LCLAT1: variants seen among roughly 807,000 people sequenced by gnomAD.
The protein encoded by LCLAT1 is lysocardiolipin acyltransferase 1.
In LCLAT1, 11 loss-of-function variants were observed where a neutral mutation model predicts 30.7. The observed-to-expected ratio is 0.36, with a 90% CI of 0.23 to 0.59. LCLAT1 has a LOEUF of 0.59. Among genes scored for constraint, LCLAT1 ranks in the 20% least tolerant of loss-of-function variants. The pLI is 0.77. For synonymous variants in LCLAT1, 155 were observed against 151.3 expected (o/e 1.02, Z -0.18); for missense variants, 402 against 458.6 (o/e 0.88, Z 1.13).
At chr2:30,591,378 C>T (rs1171109176) in intron 5 of LCLAT1, among the ~76,000 whole-genome samples, 1 of 152,104 alleles carries the variant, frequency 6.6e-6, no homozygotes, top group East Asian at 1.9e-4. Flanking sequence ...AAAATTATTA[C>T]TAATGAACTG....
chr2:30,636,213 A>G (rs1199549078), intron 5 of LCLAT1, among the ~76,000 whole-genome samples: 4 of 152,212 alleles, frequency 2.6e-5, no homozygotes, highest in Non-Finnish European at 5.9e-5. Context: ...TTTGTGAAAT[A>G]TTCGTTAGAA....
intron 3 of LCLAT1, among the ~76,000 whole-genome samples, chr2:30,555,598 A>G (rs1183902514): frequency 1.3e-5 from 2 of 152,126 alleles, no homozygotes; most frequent in African/African-American, 2.4e-5. Flanking sequence ...TACTATTACT[A>G]TGTTAAGAAA....
intron 5 of LCLAT1, among the ~76,000 whole-genome samples, chr2:30,604,564 C>A (rs538215117): frequency 2.7e-5 from 4 of 149,998 alleles, no homozygotes; most frequent in Non-Finnish European, 1.5e-5. Flanking sequence ...ATTATACTTT[C>A]GCTTTTTTTC....
At chr2:30,606,275 G>A (rs1667445909) in intron 5 of LCLAT1, 1 of 315,784 alleles carries the variant, frequency 3.2e-6, no homozygotes, top group Non-Finnish European at 6.2e-6. Context: ...AGCCCATATA[G>A]CCAAGACAAT....
intron 1 of LCLAT1, among the ~76,000 whole-genome samples, chr2:30,494,288 G>A (rs1683985611): frequency 6.6e-6 from 1 of 152,060 alleles, no homozygotes; most frequent in Non-Finnish European, 1.5e-5. Flanking sequence ...TGAAGTCAGT[G>A]GGTGAAGTTT....
At chr2:30,459,684 C>T (rs1027747452) in intron 1 of LCLAT1, 3 of 1,613,928 alleles carry the variant, frequency 1.9e-6, no homozygotes, top group Middle Eastern at 1.6e-4. Context: ...TTTCTAGCTA[C>T]TGCACGTACT....
At chr2:30,540,543 G>A (rs1049403020) in intron 3 of LCLAT1, among the ~76,000 whole-genome samples, 2 of 152,046 alleles carry the variant, frequency 1.3e-5, no homozygotes, top group African/African-American at 4.8e-5. Flanking sequence ...TCAAACAACA[G>A]TATATATGCT....
chr2:30,487,300 A>C (rs1467227640), intron 1 of LCLAT1, among the ~76,000 whole-genome samples: 1 of 152,202 alleles, frequency 6.6e-6, no homozygotes, highest in Admixed American at 6.5e-5. Flanking sequence ...AAGTTTAGTT[A>C]ACTTCATTTA....
intron 5 of LCLAT1, among the ~76,000 whole-genome samples, chr2:30,604,171 G>T (rs1178184418): frequency 2.6e-5 from 4 of 152,084 alleles, no homozygotes; most frequent in Non-Finnish European, 5.9e-5. Context: ...GTCATTTTGG[G>T]GCTACAACAG....
intron 5 of LCLAT1, among the ~76,000 whole-genome samples, chr2:30,587,513 CTT>C (rs1666496725): frequency 6.6e-6 from 1 of 152,190 alleles, no homozygotes; most frequent in African/African-American, 2.4e-5. Context: ...AAGATACAGA[CTT>C]TGATGCATTA....
intron 1 of LCLAT1, among the ~76,000 whole-genome samples, chr2:30,491,213 T>C (rs1027523229): frequency 1.3e-5 from 2 of 152,208 alleles, no homozygotes; most frequent in African/African-American, 4.8e-5. Context: ...CATCTGTAAA[T>C]ATATTGGCCA....
chr2:30,490,199 AT>A (rs772695376), intron 1 of LCLAT1, among the ~76,000 whole-genome samples: 1,623 of 121,420 alleles, frequency 0.013, 15 homozygotes, highest in African/African-American at 0.035. Flanking sequence ...GGCTACTCTG[AT>A]TTTTTTTTTT....
At chr2:30,512,006 T>G (rs1684962385) in intron 1 of LCLAT1, among the ~76,000 whole-genome samples, 1 of 152,252 alleles carries the variant, frequency 6.6e-6, no homozygotes, top group Admixed American at 6.5e-5. Flanking sequence ...ACACTTTGTC[T>G]TTGCAGGTCA....
At chr2:30,545,389 A>C (rs781286804) in intron 3 of LCLAT1, among the ~76,000 whole-genome samples, 2 of 152,082 alleles carry the variant, frequency 1.3e-5, no homozygotes, top group Non-Finnish European at 2.9e-5. Flanking sequence ...AGATGTTTAG[A>C]ATATAATTAT....
At chr2:30,473,045 G>A (rs753424565) in intron 1 of LCLAT1, among the ~76,000 whole-genome samples, 1 of 152,056 alleles carries the variant, frequency 6.6e-6, no homozygotes, top group Non-Finnish European at 1.5e-5. Flanking sequence ...TGATATTTGT[G>A]TACCATATAT....
chr2:30,640,036 G>A (rs1210278559), intron 5 of LCLAT1, 81 bp from the exon 6 acceptor site: 18 of 1,161,722 alleles, frequency 1.5e-5, no homozygotes, highest in African/African-American at 4.6e-5. Context: ...TCGGTTTCTG[G>A]TGCTGCCCTG....
chr2:30,609,773 G>C (rs770300563), intron 5 of LCLAT1, among the ~76,000 whole-genome samples: 1 of 151,968 alleles, frequency 6.6e-6, no homozygotes, highest in South Asian at 2.1e-4. Flanking sequence ...CTATTAACTT[G>C]TATTCGTTTC....
At chr2:30,572,658 C>T (rs1665833419) in intron 5 of LCLAT1, among the ~76,000 whole-genome samples, 1 of 151,970 alleles carries the variant, frequency 6.6e-6, no homozygotes, top group Admixed American at 6.5e-5. Context: ...GTTCTTTCCA[C>T]TGTATAAGAA....
intron 5 of LCLAT1, among the ~76,000 whole-genome samples, chr2:30,623,037 A>G (rs1294400248): frequency 2.7e-5 from 4 of 147,698 alleles, no homozygotes; most frequent in African/African-American, 5.0e-5. Flanking sequence ...GTGAATACCA[A>G]TTCAAAGAAT....
Sources: gnomAD v4.1 joint callset for allele counts (sites outside exome capture counted in the v4.1 genomes callset) on GRCh38, gnomAD v4.1.1 for gene constraint, MANE v1.5 for transcripts, NCBI Gene and HGNC (gene_info 2026-07-23, HGNC 2026-07-21) for gene names.